GLI2: variants seen among roughly 807,000 people sequenced by gnomAD.
GLI2 encodes the protein GLI family zinc finger 2.
A neutral mutation model predicts 78.9 loss-of-function variants in GLI2; 22 were observed. That is an observed-to-expected ratio of 0.28 (90% confidence interval 0.20 to 0.40). The LOEUF (loss-of-function observed/expected upper bound fraction) is 0.40, where lower values mean the gene tolerates loss of function less well. GLI2 is among the 10% of genes least tolerant of loss of function. The probability of loss-of-function intolerance (pLI) is 1.00; values close to 1 mark genes in which losing one functional copy is unlikely to be tolerated. For missense variants in GLI2, 2,097 were observed against 2,213.2 expected (o/e 0.95, Z 1.05); for synonymous variants, 974 against 963.7 (o/e 1.01, Z -0.20).
chr2:120,766,230 A>T (rs1376790350), intron 1 of GLI2, among the ~76,000 whole-genome samples: 1 of 152,062 alleles, frequency 6.6e-6, no homozygotes, highest in Admixed American at 6.5e-5. Flanking sequence ...CTCAGTTTGG[A>T]CACATCAGTC....
Position 120,989,477 on chromosome 2 carries a change from C to G in GLI2, c.3512C>G (p.Pro1171Arg), listed in dbSNP as rs145212051. 2 of 1,613,084 alleles carry G rather than the reference C, an allele frequency of 1.2e-6. No homozygotes were observed. Among genetic ancestry groups the G allele is most frequent in the South Asian group, 1.1e-5 (1 of 91,068 alleles). ...TTTGGCCAGTACCCGGGCTACAGTC[C>G]GCAAGGCCTACAGGCTAGCCCTGGG... ...PAFGQYPGYS[P>R]QGLQASPGGL... Residue 1171 changes from proline (P) to arginine (R), a missense_variant, in exon 14 of 14, where the codon CCG (proline) becomes CGG (arginine). Around this residue, in one of 5 missense-constraint regions of GLI2, gnomAD observed 1,290 missense variants for 1,261.7 expected, o/e 1.02. Coordinates refer to ENST00000361492, the MANE Select transcript of GLI2 (RefSeq NM_001374353.1).
In GLI2 at chr2:120,753,425, A is replaced by T. The variant is rs533752375; in HGVS notation, c.-31+17140A>T. On this transcript the variant is annotated intron_variant, in intron 1 of 13. Coordinates refer to ENST00000361492, the MANE Select transcript of GLI2 (RefSeq NM_001374353.1). The stretch of plus-strand genomic sequence containing the variant: ...TACGGATTTTAATCTTTGCAATTTG[A>T]TAGAAGAAAAAATCTGGTTGTTTCA... Among the ~76,000 whole-genome samples, 23 of 152,248 alleles carry T rather than the reference A, an allele frequency of 1.5e-4. No homozygotes were observed. The South Asian group carries it at 4.4e-3, about 29-fold the overall frequency.
At chr2:120,783,972 G>A (rs1466645785) in intron 1 of GLI2, among the ~76,000 whole-genome samples, 2 of 152,158 alleles carry the variant, frequency 1.3e-5, no homozygotes, top group East Asian at 1.9e-4. Flanking sequence ...TACCAGCGAC[G>A]AGCTAGGCTG....
chr2:120,898,516 G>A (rs1286893932), intron 2 of GLI2, among the ~76,000 whole-genome samples: 3 of 152,034 alleles, frequency 2.0e-5, no homozygotes, highest in African/African-American at 7.2e-5. Context: ...CTTCAGGGAG[G>A]GGAAATGAAC....
chr2:120,807,832 G>T (rs903093705), intron 2 of GLI2, among the ~76,000 whole-genome samples: 1 of 152,152 alleles, frequency 6.6e-6, no homozygotes, highest in African/African-American at 2.4e-5. Flanking sequence ...CTGTGTGCAC[G>T]GCTTGCTTGG....
At chr2:120,793,020 A>G (rs1171533401) in intron 1 of GLI2, among the ~76,000 whole-genome samples, 4 of 152,228 alleles carry the variant, frequency 2.6e-5, no homozygotes, top group Non-Finnish European at 5.9e-5. Flanking sequence ...TGCAACTAAC[A>G]GAAATGCAGC....
At position 120,782,445 on chromosome 2, in the gene GLI2, G is replaced by A. The variant is rs551536665; in HGVS notation, c.-30-14846G>A. On this transcript the variant is annotated intron_variant, in intron 1 of 13. Transcript: ENST00000361492. Reference sequence around the variant, plus strand: ...CCATGAACTCATTCATAGTAATCCTGGAGCATCAAATTGTTAGCTCCATTT... The same window carrying A: ...CCATGAACTCATTCATAGTAATCCTAGAGCATCAAATTGTTAGCTCCATTT... 1.4e-4 allele frequency among the ~76,000 whole-genome samples: 22 copies of A among 152,264 alleles called. No individual in the cohort carries two copies. In the South Asian group the frequency reaches 2.9e-3, roughly 20 times the overall value.
At chr2:120,858,962 G>A (rs1233788110) in intron 2 of GLI2, among the ~76,000 whole-genome samples, 2 of 152,242 alleles carry the variant, frequency 1.3e-5, no homozygotes, top group Non-Finnish European at 2.9e-5. Flanking sequence ...CAGGACCGGA[G>A]CGTTCTTGCC....
chr2:120,852,401 T>C (rs1687448384), intron 2 of GLI2, among the ~76,000 whole-genome samples: 2 of 152,092 alleles, frequency 1.3e-5, no homozygotes, highest in South Asian at 4.1e-4. Flanking sequence ...CTGAAACACA[T>C]AGCACTCCTG....
chr2:120,761,688 G>A (rs534319073), intron 1 of GLI2, among the ~76,000 whole-genome samples: 3 of 152,238 alleles, frequency 2.0e-5, no homozygotes, highest in Admixed American at 6.5e-5. Context: ...TCAAGCTGCC[G>A]GCCCGTTGTT....
chr2:120,913,907 C>T (rs1045521798), intron 2 of GLI2, among the ~76,000 whole-genome samples: 1 of 152,196 alleles, frequency 6.6e-6, no homozygotes, highest in South Asian at 2.1e-4. Flanking sequence ...GCCTTACTGT[C>T]GTCTCAAGAG....
At chr2:120,867,435 T>G (rs1688194365) in intron 2 of GLI2, 2 of 152,282 alleles carry the variant, frequency 1.3e-5, no homozygotes, top group African/African-American at 4.8e-5. Flanking sequence ...TTATAAATGA[T>G]TCATGCAGCC....
intron 5 of GLI2, 65 bp from the exon 6 acceptor site, chr2:120,968,649 C>A: frequency 8.6e-7 from 1 of 1,156,096 alleles, no homozygotes; most frequent in Non-Finnish European, 1.3e-6. Context: ...CTATCCCCCA[C>A]CCACATGTCA....
At chr2:120,736,779 T>C (rs1442853687) in intron 1 of GLI2, among the ~76,000 whole-genome samples, 1 of 151,882 alleles carries the variant, frequency 6.6e-6, no homozygotes, top group Non-Finnish European at 1.5e-5. Flanking sequence ...GCGCTGCGCG[T>C]CCCGGAGCCC....
intron 3 of GLI2, among the ~76,000 whole-genome samples, chr2:120,951,010 G>T (rs1050671914): frequency 6.6e-6 from 1 of 152,204 alleles, no homozygotes; most frequent in Non-Finnish European, 1.5e-5. Context: ...GGAACTGGCC[G>T]GCGGGTGCAC....
intron 2 of GLI2, among the ~76,000 whole-genome samples, chr2:120,820,017 C>CG (rs759853865): frequency 6.6e-5 from 10 of 152,092 alleles, no homozygotes; most frequent in Non-Finnish European, 8.8e-5. Flanking sequence ...GATGGCCAGC[C>CG]GCCAAGGCCA....
chr2:120,749,853 T>G (rs545006121), intron 1 of GLI2, among the ~76,000 whole-genome samples: 103 of 152,326 alleles, frequency 6.8e-4, no homozygotes, highest in African/African-American at 2.4e-3. Flanking sequence ...AAGTGCCGCA[T>G]CAGCCCCCAC....
chr2:120,971,482 G>A (rs375731177), intron 7 of GLI2, among the ~76,000 whole-genome samples: 1 of 152,228 alleles, frequency 6.6e-6, no homozygotes, highest in Admixed American at 6.5e-5. Flanking sequence ...GCCTCCCCAC[G>A]ACAGTGGCTG....
chr2:120,978,684 G>A, intron 10 of GLI2, 101 bp downstream of exon 10: 1 of 1,316,438 alleles, frequency 7.6e-7, no homozygotes, highest in Non-Finnish European at 1.1e-6. Flanking sequence ...GGCACACCTG[G>A]GTGGGGCAGA....
Sources: allele counts gnomAD v4.1 joint callset (sites outside exome capture counted in the v4.1 genomes callset), GRCh38; gene constraint gnomAD v4.1.1; regional missense constraint gnomAD v4.1.1; transcripts MANE v1.5; gene names NCBI Gene and HGNC (gene_info 2026-07-23, HGNC 2026-07-21).